L3MBTL3: variants seen among roughly 807,000 people sequenced by gnomAD.
L3MBTL3 encodes the protein L3MBTL histone methyl-lysine binding protein 3, also known as lethal(3)malignant brain tumor-like protein 3.
A neutral mutation model predicts 102.3 loss-of-function variants in L3MBTL3; 27 were observed. The ratio of observed to expected loss-of-function variants is 0.26; its 90% CI spans 0.19 to 0.36. The LOEUF (loss-of-function observed/expected upper bound fraction) is 0.36. L3MBTL3 is among the 10% of genes least tolerant of loss of function. L3MBTL3 has a pLI of 1.00. For synonymous variants in L3MBTL3, 340 were observed against 320.9 expected (o/e 1.06, Z -0.64); for missense variants, 798 against 955.3 (o/e 0.84, Z 2.17).
chr6:130,040,210 C>T (rs1308021208), intron 2 of L3MBTL3, among the ~76,000 whole-genome samples: 2 of 151,686 alleles, frequency 1.3e-5, no homozygotes, highest in Admixed American at 6.6e-5. Flanking sequence ...CGCCTATAAT[C>T]CCCAGCTACT....
At chr6:130,092,159 G>T (rs1429814952) in intron 16 of L3MBTL3, among the ~76,000 whole-genome samples, 1 of 151,804 alleles carries the variant, frequency 6.6e-6, no homozygotes, top group East Asian at 1.9e-4. Context: ...AACAATAATA[G>T]AACACATATT....
chr6:130,130,861 C>T (rs1221234944), intron 20 of L3MBTL3, among the ~76,000 whole-genome samples: 4 of 152,172 alleles, frequency 2.6e-5, no homozygotes, highest in African/African-American at 4.8e-5. Context: ...AGATTTTTGA[C>T]TCAGCATAGT....
chr6:130,062,387 CTTT>C (rs879263408), intron 10 of L3MBTL3, among the ~76,000 whole-genome samples: 2 of 144,044 alleles, frequency 1.4e-5, no homozygotes. Context: ...CACACACACA[CTTT>C]TTTTTTTTTT....
Position 130,140,317 on chromosome 6 carries a change from T to C in L3MBTL3, c.*564T>C, listed in dbSNP as rs1440732005. On this transcript the variant is annotated 3_prime_UTR_variant, in exon 23 of 23. Transcript: ENST00000361794. ...ATATTGCCTAACTGCTTGTCATAAT[T>C]GTCAGGGCTGAATAGTTGTAAGAAT... 4 of 152,726 alleles carry C rather than the reference T, an allele frequency of 2.6e-5. No homozygotes were observed. The highest frequency in any genetic ancestry group is 2.6e-4 in the Admixed American group (4 of 15,276). 9.5% of individuals were successfully genotyped at this position (152,726 alleles called of 1,614,324 possible).
At chr6:130,028,390 G>A (rs570422074) in intron 2 of L3MBTL3, among the ~76,000 whole-genome samples, 1 of 152,290 alleles carries the variant, frequency 6.6e-6, no homozygotes, top group South Asian at 2.1e-4. Flanking sequence ...TGTAATGACT[G>A]ATTTCATGTT....
intron 22 of L3MBTL3, 116 bp downstream of exon 22, chr6:130,134,021 T>C (rs2114437940): frequency 5.2e-6 from 4 of 765,528 alleles, no homozygotes; most frequent in South Asian, 3.1e-5. Flanking sequence ...TGTGTTGAAA[T>C]TGACAAATTG....
chr6:130,034,276 C>T (rs34281536), intron 2 of L3MBTL3, among the ~76,000 whole-genome samples: 6 of 151,972 alleles, frequency 3.9e-5, no homozygotes, highest in African/African-American at 7.3e-5. Context: ...GGTCAATGTC[C>T]GCAGCCAGTC....
At chr6:130,115,002 A>G (rs1365671263) in intron 19 of L3MBTL3, among the ~76,000 whole-genome samples, 2 of 151,624 alleles carry the variant, frequency 1.3e-5, no homozygotes, top group Admixed American at 1.3e-4. Context: ...TCATTCCCTT[A>G]TGTTTTTACC....
chr6:130,106,234 G>A (rs1213062807), intron 19 of L3MBTL3, among the ~76,000 whole-genome samples: 1 of 152,070 alleles, frequency 6.6e-6, no homozygotes, highest in Non-Finnish European at 1.5e-5. Flanking sequence ...ATGAAATAAT[G>A]TCTGTGCAAG....
At chr6:130,088,847 T>G (rs1342348020) in intron 16 of L3MBTL3, among the ~76,000 whole-genome samples, 2 of 152,208 alleles carry the variant, frequency 1.3e-5, no homozygotes, top group African/African-American at 2.4e-5. Flanking sequence ...GATCTTGCCC[T>G]TCTTCCCTTC....
intron 18 of L3MBTL3, among the ~76,000 whole-genome samples, chr6:130,098,537 A>G (rs1244657337): frequency 1.3e-5 from 2 of 152,180 alleles, no homozygotes; most frequent in African/African-American, 4.8e-5. Flanking sequence ...TTTACACAAT[A>G]GGGGTTAAAT....
chr6:130,097,690 T>G (rs191902887), intron 18 of L3MBTL3, among the ~76,000 whole-genome samples: 169 of 152,280 alleles, frequency 1.1e-3, no homozygotes, highest in African/African-American at 3.9e-3. Context: ...TGTGTCACAG[T>G]GTTTCCCTTT....
chr6:130,072,584 G>C (rs1782707001), intron 13 of L3MBTL3, among the ~76,000 whole-genome samples: 1 of 152,126 alleles, frequency 6.6e-6, no homozygotes, highest in Non-Finnish European at 1.5e-5. Flanking sequence ...ATATACAAAA[G>C]TAGAATAATA....
intron 12 of L3MBTL3, among the ~76,000 whole-genome samples, chr6:130,070,421 A>T (rs577125009): frequency 6.6e-6 from 1 of 152,318 alleles, no homozygotes; most frequent in African/African-American, 2.4e-5. Flanking sequence ...GGAATAAAAT[A>T]TATCTGTAGT....
At chr6:130,019,029 A>AT (rs1304173773) in intron 1 of L3MBTL3, among the ~76,000 whole-genome samples, 1 of 149,288 alleles carries the variant, frequency 6.7e-6, no homozygotes, top group Non-Finnish European at 1.5e-5. Flanking sequence ...AGAGACTTGT[A>AT]TTTTTTTCTT....
At chr6:130,076,946 T>C (rs1782992041) in intron 13 of L3MBTL3, among the ~76,000 whole-genome samples, 1 of 152,140 alleles carries the variant, frequency 6.6e-6, no homozygotes, top group Non-Finnish European at 1.5e-5. Flanking sequence ...GGTACAAGAA[T>C]GAATGACCAT....
chr6:130,021,876 A>G (rs969113272), intron 1 of L3MBTL3, among the ~76,000 whole-genome samples: 2 of 152,126 alleles, frequency 1.3e-5, no homozygotes, highest in African/African-American at 2.4e-5. Context: ...TGTAATATCT[A>G]TTCTTTTTCC....
chr6:130,020,234 G>C (rs999021271), intron 1 of L3MBTL3, among the ~76,000 whole-genome samples: 17 of 151,274 alleles, frequency 1.1e-4, no homozygotes, highest in African/African-American at 3.9e-4. Flanking sequence ...CCGCGGCGGC[G>C]GGGCGGGGGG....
chr6:130,062,273 G>A (rs967255662), intron 10 of L3MBTL3, among the ~76,000 whole-genome samples: 22 of 152,080 alleles, frequency 1.4e-4, no homozygotes, highest in African/African-American at 4.8e-4. Flanking sequence ...ATATCCCAGA[G>A]AGCATGACCC....
Sources: allele counts gnomAD v4.1 joint callset (sites outside exome capture counted in the v4.1 genomes callset), GRCh38; gene constraint gnomAD v4.1.1; transcripts MANE v1.5; gene names NCBI Gene and HGNC (gene_info 2026-07-23, HGNC 2026-07-21).